Variants in B3GALNT2 observed in about 807,000 individuals in gnomAD.
B3GALNT2 encodes beta-1,3-N-acetylgalactosaminyltransferase 2.
Under a neutral mutation model 61.1 loss-of-function variants are expected in B3GALNT2, and 53 were observed. The ratio of observed to expected loss-of-function variants is 0.87; its 90% CI spans 0.70 to 1.09. B3GALNT2 has a LOEUF of 1.09. B3GALNT2 is among the 50% of genes least tolerant of loss of function. B3GALNT2 has a pLI of 0.00. For missense variants in B3GALNT2, 544 were observed against 623.0 expected, an observed-to-expected ratio of 0.87 and a Z score of 1.35; for synonymous variants, 223 against 237.4, an observed-to-expected ratio of 0.94 and a Z score of 0.56.
At chr1:235,499,640 T>A (rs1444153458) in intron 1 of B3GALNT2, among the ~76,000 whole-genome samples, 1 of 152,146 alleles carries the variant, frequency 6.6e-6, no homozygotes, top group Non-Finnish European at 1.5e-5. Flanking sequence ...GCATATAAAT[T>A]TATTTGATCA....
At chr1:235,463,713 C>CGTA (rs1572499640) in intron 7 of B3GALNT2, 1 of 151,848 alleles carries the variant, frequency 6.6e-6, no homozygotes, top group East Asian at 1.9e-4. Context: ...ATTACAGGCG[C>CGTA]CCGACACCAT....
intron 5 of B3GALNT2, among the ~76,000 whole-genome samples, chr1:235,475,178 T>C (rs1684215675): frequency 6.6e-6 from 1 of 151,014 alleles, no homozygotes; most frequent in Non-Finnish European, 1.5e-5. Flanking sequence ...TTTGTATTTT[T>C]AGTAGAGATG....
rs1558425250 is a variant in B3GALNT2, at chr1:235,474,971, A to ATTT, written c.652-4012_652-4011insAAA. Among the ~76,000 whole-genome samples the ATTT allele has an allele frequency of 6.6e-5, 2 of 30,120 alleles. 1 individual carries two copies. The highest frequency in any genetic ancestry group is 7.5e-4 in the Admixed American group (2 of 2,656). The allele number at this position is 30,120 out of a possible 152,430, so 19.8% of individuals were successfully genotyped here. A position where few individuals can be genotyped will look rare whatever the true frequency, so the allele number is the denominator to read the frequency against. ...GAGACATATATATATATATATATAT[A>ATTT]TATATATATATATATATTTTTTTTT... On this transcript the variant is annotated intron_variant, in intron 5 of 11. Transcript: ENST00000366600.
chr1:235,456,349 T>C (rs1683172644), intron 8 of B3GALNT2, among the ~76,000 whole-genome samples: 1 of 152,210 alleles, frequency 6.6e-6, no homozygotes, highest in Non-Finnish European at 1.5e-5. Flanking sequence ...CCTGTACATC[T>C]GTTTAAAAAT....
At chr1:235,480,858 A>G (rs1033849103) in intron 4 of B3GALNT2, among the ~76,000 whole-genome samples, 4 of 137,964 alleles carry the variant, frequency 2.9e-5, no homozygotes, top group Admixed American at 2.4e-4. Context: ...GTGAGCCAAG[A>G]CTGCACCACT....
chr1:235,448,512 GAT>G lies in B3GALNT2; in HGVS notation c.*1692_*1693del. 1 of 1,475,948 alleles carries G rather than the reference GAT, an allele frequency of 6.8e-7. No individual in the cohort carries two copies. The highest frequency in any genetic ancestry group is 9.5e-7 in the Non-Finnish European group (1 of 1,054,404). 91.4% of individuals were successfully genotyped at this position (1,475,948 alleles called of 1,614,324 possible). A position where few individuals can be genotyped will look rare whatever the true frequency, so the allele number is the denominator to read the frequency against. On this transcript the variant is annotated 3_prime_UTR_variant, in exon 12 of 12. Transcript: ENST00000366600. ...GTATTATGACATTAAACTGTCTCTA[GAT>G]AGCAACAGTTTGATTCTAAATGGAG...
At chr1:235,469,217 G>A (rs991599830) in intron 6 of B3GALNT2, among the ~76,000 whole-genome samples, 1 of 152,086 alleles carries the variant, frequency 6.6e-6, no homozygotes, top group Non-Finnish European at 1.5e-5. Context: ...TAATAACGTA[G>A]CATATATTCA....
Position 235,447,638 on chromosome 1 carries a change from G to A in B3GALNT2, c.*2568C>T, listed in dbSNP as rs769131445. Among the ~76,000 whole-genome samples, 1 of 152,206 alleles carries A rather than the reference G, an allele frequency of 6.6e-6. No individual in the cohort carries two copies. Among genetic ancestry groups the A allele is most frequent in the Non-Finnish European group, 1.5e-5 (1 of 68,030 alleles). ...GTTGAGAGATGTCCTCAGGATACCT[G>A]AGTCCCATTCCAGTGTTCGTTCAGT... On this transcript the variant is annotated 3_prime_UTR_variant, in exon 12 of 12. Coordinates refer to ENST00000366600, the MANE Select transcript of B3GALNT2 (RefSeq NM_152490.5).
chr1:235,495,785 T>A (rs1685291780), intron 1 of B3GALNT2, among the ~76,000 whole-genome samples: 1 of 152,128 alleles, frequency 6.6e-6, no homozygotes, highest in South Asian at 2.1e-4. Context: ...CCAAAACGTT[T>A]CCAAAAATAA....
At chr1:235,461,599 C>T (rs1379626061) in intron 7 of B3GALNT2, among the ~76,000 whole-genome samples, 12 of 147,058 alleles carry the variant, frequency 8.2e-5, no homozygotes, top group Non-Finnish European at 8.9e-5. Context: ...TCACTGCAAC[C>T]TCTGCCTCCC....
In B3GALNT2 at chr1:235,447,998, C is replaced by T. The variant is rs1682531656; in HGVS notation, c.*2208G>A. ...GGCCAGGGCGGGCGGATCACGAGGT[C>T]AGGAGTTCAAGACCAGCCTGGCCAA... On this transcript the variant is annotated 3_prime_UTR_variant, in exon 12 of 12. Transcript: ENST00000366600. 6.6e-6 allele frequency among the ~76,000 whole-genome samples: 1 copy of T among 151,998 alleles called. No homozygotes were observed. Among genetic ancestry groups the T allele is most frequent in the African/African-American group, 2.4e-5 (1 of 41,380 alleles).
At chr1:235,452,782 G>A (rs1050810658) in intron 11 of B3GALNT2, among the ~76,000 whole-genome samples, 1 of 152,030 alleles carries the variant, frequency 6.6e-6, no homozygotes, top group Non-Finnish European at 1.5e-5. Context: ...TTGAACTCCT[G>A]GGCTCAAGTG....
intron 2 of B3GALNT2, among the ~76,000 whole-genome samples, chr1:235,492,854 C>A (rs960613074): frequency 6.6e-6 from 1 of 151,960 alleles, no homozygotes; most frequent in African/African-American, 2.4e-5. Flanking sequence ...ATGCAAAGGC[C>A]CTGAGGTAGG....
chr1:235,456,033 C>A (rs559178546), intron 8 of B3GALNT2, among the ~76,000 whole-genome samples: 1 of 152,192 alleles, frequency 6.6e-6, no homozygotes, highest in Non-Finnish European at 1.5e-5. Flanking sequence ...CTGAACCTTG[C>A]CCCGTGTGTT....
chr1:235,480,364 G>A (rs192725302), intron 4 of B3GALNT2, among the ~76,000 whole-genome samples: 15 of 151,610 alleles, frequency 9.9e-5, no homozygotes, highest in Non-Finnish European at 1.8e-4. Flanking sequence ...AAGTTGTCAC[G>A]AAATTCTCAA....
chr1:235,493,576 G>A (rs967568274), intron 2 of B3GALNT2, among the ~76,000 whole-genome samples: 3 of 152,190 alleles, frequency 2.0e-5, no homozygotes, highest in East Asian at 1.9e-4. Flanking sequence ...TCAGGAGTTC[G>A]AGACCAGCCT....
At chr1:235,456,823 G>A (rs1457092458) in intron 8 of B3GALNT2, among the ~76,000 whole-genome samples, 1 of 152,078 alleles carries the variant, frequency 6.6e-6, no homozygotes, top group Non-Finnish European at 1.5e-5. Context: ...TCCCACCCTC[G>A]GGACTTCCAT....
At position 235,448,934 on chromosome 1, in the gene B3GALNT2, C is replaced by T. The variant is rs1682698588; in HGVS notation, c.*1272G>A. On this transcript the variant is annotated 3_prime_UTR_variant, in exon 12 of 12. Transcript: ENST00000366600. Reference sequence around the variant, plus strand: ...GGAAGTGACCATTTCTAGGCTTATACATAATAGCAATAATAAAGGCTTTGA... The same window carrying T: ...GGAAGTGACCATTTCTAGGCTTATATATAATAGCAATAATAAAGGCTTTGA... 1 of 589,128 alleles carries T rather than the reference C, an allele frequency of 1.7e-6. No homozygotes were observed. Among genetic ancestry groups the T allele is most frequent in the Admixed American group, 2.7e-5 (1 of 36,600 alleles). The allele number at this position is 589,128 out of a possible 1,614,324, so 36.5% of individuals were successfully genotyped here.
At position 235,448,487 on chromosome 1, in the gene B3GALNT2, G is replaced by A. The variant is rs371655030; in HGVS notation, c.*1719C>T. 77 of 1,558,936 alleles carry A rather than the reference G, an allele frequency of 4.9e-5. No homozygotes were observed. Among genetic ancestry groups the A allele is most frequent in the African/African-American group, 4.1e-4 (30 of 73,686 alleles). ...AAAGTCAAAGTCAAGCTTAGTCCTC[G>A]TATTATGACATTAAACTGTCTCTAG... On this transcript the variant is annotated 3_prime_UTR_variant, in exon 12 of 12. Coordinates refer to ENST00000366600, the MANE Select transcript of B3GALNT2 (RefSeq NM_152490.5).
Sources: gnomAD v4.1 joint callset for allele counts (sites outside exome capture counted in the v4.1 genomes callset) on GRCh38, gnomAD v4.1.1 for gene constraint, MANE v1.5 for transcripts, NCBI Gene and HGNC (gene_info 2026-07-23, HGNC 2026-07-21) for gene names.